Variants in ERP44 observed in about 807,000 individuals in gnomAD.
The protein encoded by ERP44 is endoplasmic reticulum protein 44, also known as endoplasmic reticulum resident protein 44.
ERP44 carries 25 observed loss-of-function variants against 53.4 expected under a neutral mutation model. The ratio of observed to expected loss-of-function variants is 0.47; its 90% CI spans 0.34 to 0.65. The LOEUF is 0.65. ERP44 is among the 30% of genes least tolerant of loss of function. The pLI is 0.01. For missense variants in ERP44, 338 were observed against 493.2 expected, an observed-to-expected ratio of 0.69 and a Z score of 2.98; for synonymous variants, 145 against 161.2, an observed-to-expected ratio of 0.90 and a Z score of 0.76.
intron 1 of ERP44, among the ~76,000 whole-genome samples, chr9:100,094,072 C>T (rs1318969079): frequency 6.6e-6 from 1 of 152,170 alleles, no homozygotes; most frequent in African/African-American, 2.4e-5. Flanking sequence ...ATTACGTAAG[C>T]ACAAGCTATT....
chr9:99,985,107 T>G (rs1469802113), intron 10 of ERP44, 38 bp from the exon 11 acceptor site: 2 of 1,359,516 alleles, frequency 1.5e-6, no homozygotes, highest in Non-Finnish European at 2.1e-6. Context: ...ACTGTTAAAA[T>G]GGACTTATCT....
At chr9:100,056,992 A>G (rs913643772) in intron 3 of ERP44, among the ~76,000 whole-genome samples, 1 of 152,206 alleles carries the variant, frequency 6.6e-6, no homozygotes, top group Admixed American at 6.5e-5. Flanking sequence ...ACTCTGGCTT[A>G]CATTGTAGAG....
intron 4 of ERP44, among the ~76,000 whole-genome samples, chr9:100,046,798 A>C (rs1382560814): frequency 6.6e-6 from 1 of 152,210 alleles, no homozygotes; most frequent in Non-Finnish European, 1.5e-5. Context: ...ATGGAAATCT[A>C]AATCAACCAG....
intron 2 of ERP44, 138 bp from the exon 3 acceptor site, chr9:100,057,997 C>T: frequency 1.5e-6 from 1 of 649,556 alleles, no homozygotes; most frequent in South Asian, 2.0e-5. Flanking sequence ...CACTCAGAAA[C>T]CTAGAGTCAT....
intron 7 of ERP44, 123 bp from the exon 8 acceptor site, chr9:100,016,561 A>G: frequency 1.5e-6 from 2 of 1,341,374 alleles, no homozygotes; most frequent in Admixed American, 3.1e-5. Flanking sequence ...GAGTACAGTG[A>G]CATGATCATG....
At chr9:100,024,996 C>A (rs540530817) in intron 4 of ERP44, among the ~76,000 whole-genome samples, 1 of 152,140 alleles carries the variant, frequency 6.6e-6, no homozygotes, top group East Asian at 1.9e-4. Context: ...GGTACAGTGA[C>A]ACATGCCCAT....
intron 2 of ERP44, 125 bp downstream of exon 2, chr9:100,059,975 A>C: frequency 1.3e-6 from 1 of 793,920 alleles, no homozygotes; most frequent in Non-Finnish European, 1.7e-6. Context: ...TCATGGAATT[A>C]ATCAGAATGC....
At position 100,000,497 on chromosome 9, in the gene ERP44, G is replaced by C. The variant is rs535443344; in HGVS notation, c.1016+6009C>G. On this transcript the variant is annotated intron_variant, in intron 10 of 11. Transcript: ENST00000262455. ...TTTTTTGGTAGTTTTAGAAAGAATG[G>C]TCATCAGGTCCTGGGCTTTTCTTTG... is the stretch of plus-strand genomic sequence containing the variant. Among the ~76,000 whole-genome samples, 13 of 151,176 alleles carry C rather than the reference G, an allele frequency of 8.6e-5. No homozygotes were observed. The East Asian group carries it at 2.5e-3, about 29-fold the overall frequency.
chr9:100,019,643 G>A (rs2118652072), intron 6 of ERP44, among the ~76,000 whole-genome samples: 1 of 151,640 alleles, frequency 6.6e-6, no homozygotes, highest in East Asian at 1.9e-4. Flanking sequence ...CCACAAAAAT[G>A]ATTCCATCTT....
chr9:100,074,070 T>C (rs1253885815), intron 1 of ERP44, among the ~76,000 whole-genome samples: 1 of 152,230 alleles, frequency 6.6e-6, no homozygotes, highest in African/African-American at 2.4e-5. Context: ...GAAAATCTCC[T>C]TTGGAAATCC....
intron 1 of ERP44, among the ~76,000 whole-genome samples, chr9:100,066,799 G>A (rs1431150032): frequency 6.6e-6 from 1 of 152,196 alleles, no homozygotes; most frequent in Non-Finnish European, 1.5e-5. Flanking sequence ...GCTTCAAGGA[G>A]CAGGAGATGT....
At chr9:99,999,019 G>A (rs1032068880) in intron 10 of ERP44, 50 of 968,190 alleles carry the variant, frequency 5.2e-5, no homozygotes, top group Admixed American at 1.3e-4. Context: ...CGTGGGCAGC[G>A]GGCGCAGCTG....
At chr9:100,079,266 T>C (rs758031292) in intron 1 of ERP44, among the ~76,000 whole-genome samples, 2 of 152,218 alleles carry the variant, frequency 1.3e-5, no homozygotes, top group African/African-American at 2.4e-5. Flanking sequence ...CCTTCTCCAG[T>C]GCTGGATGCT....
At chr9:100,082,196 T>C (rs540643028) in intron 1 of ERP44, among the ~76,000 whole-genome samples, 8 of 152,182 alleles carry the variant, frequency 5.3e-5, no homozygotes, top group Non-Finnish European at 4.4e-5. Flanking sequence ...GGAAACATCA[T>C]AGAGCAGTCA....
chr9:100,039,101 AC>A (rs1255030602), intron 4 of ERP44, among the ~76,000 whole-genome samples: 2 of 152,220 alleles, frequency 1.3e-5, no homozygotes, highest in African/African-American at 4.8e-5. Flanking sequence ...AGACTTAAAT[AC>A]CCTACTTTCA....
intron 3 of ERP44, among the ~76,000 whole-genome samples, chr9:100,057,290 T>G (rs1826096226): frequency 6.6e-6 from 1 of 152,214 alleles, no homozygotes; most frequent in Non-Finnish European, 1.5e-5. Context: ...TTGTTCTAGA[T>G]GCTGGGAATA....
intron 4 of ERP44, among the ~76,000 whole-genome samples, chr9:100,050,674 A>G (rs1264024312): frequency 6.6e-6 from 1 of 152,230 alleles, no homozygotes; most frequent in Non-Finnish European, 1.5e-5. Flanking sequence ...AAAAATATTC[A>G]GAGAGATGCA....
At position 100,006,588 on chromosome 9, in the gene ERP44, G is replaced by C. The variant is rs142824253; in HGVS notation, c.934C>G (p.Gln312Glu). Residue 312 changes from glutamine (Q) to glutamate (E), a missense_variant, in exon 10 of 12, where the codon CAG becomes GAG. Physicochemically the swap from Gln to Glu is conservative, Grantham distance 29. Coordinates refer to ENST00000262455, the MANE Select transcript of ERP44 (RefSeq NM_015051.3). ...ACAGGACAATCTGCTGGAGTTTTCTGTATGTGCAGAAGAGGATGTCTAAAT... is the reference window on the plus strand; with the variant it reads ...ACAGGACAATCTGCTGGAGTTTTCTCTATGTGCAGAAGAGGATGTCTAAAT... Reference protein sequence around the residue: ...DKFRHPLLHIQKTPADCPVIA... With the variant: ...DKFRHPLLHIEKTPADCPVIA... 20 of 1,611,092 alleles carry C rather than the reference G, an allele frequency of 1.2e-5. No homozygotes were observed. The highest frequency in any genetic ancestry group is 1.6e-5 in the Non-Finnish European group (19 of 1,178,240).
intron 11 of ERP44, among the ~76,000 whole-genome samples, chr9:99,983,932 T>C (rs1418394848): frequency 6.6e-6 from 1 of 152,198 alleles, no homozygotes; most frequent in African/African-American, 2.4e-5. Context: ...ATGAGGAAAT[T>C]GAAACAAATC....
Sources: allele counts gnomAD v4.1 joint callset (sites outside exome capture counted in the v4.1 genomes callset), GRCh38; gene constraint gnomAD v4.1.1; transcripts MANE v1.5; gene names NCBI Gene and HGNC (gene_info 2026-07-23, HGNC 2026-07-21).